MARCHF1: variants seen among roughly 807,000 people sequenced by gnomAD.
MARCHF1 encodes membrane associated ring-CH-type finger 1, also known as E3 ubiquitin-protein ligase MARCHF1.
Under a neutral mutation model 54.2 loss-of-function variants are expected in MARCHF1, and 40 were observed. The ratio of observed to expected loss-of-function variants is 0.74; its 90% CI spans 0.57 to 0.96. The LOEUF is 0.96. MARCHF1 is among the 40% of genes least tolerant of loss of function. The pLI is 0.00. For missense variants in MARCHF1, 586 were observed against 656.5 expected (o/e 0.89, Z 1.17); for synonymous variants, 236 against 236.3 (o/e 1.00, Z 0.01).
At chr4:163,805,315 T>C (rs1194041139) in intron 4 of MARCHF1, among the ~76,000 whole-genome samples, 2 of 152,078 alleles carry the variant, frequency 1.3e-5, no homozygotes, top group African/African-American at 4.8e-5. Flanking sequence ...TTTATGTTTT[T>C]CAGAAATGGA....
intron 1 of MARCHF1, among the ~76,000 whole-genome samples, chr4:164,248,539 A>G (rs1379079773): frequency 1.3e-5 from 2 of 152,066 alleles, no homozygotes; most frequent in Non-Finnish European, 2.9e-5. Context: ...AGGTTTTGAC[A>G]TATTCTCAAG....
Position 163,721,240 on chromosome 4 carries a change from G to A in MARCHF1, c.112-20377C>T, listed in dbSNP as rs187402089. The stretch of plus-strand genomic sequence containing the variant: ...TTTATTGAGAGTTTTTAGCATGAAG[G>A]GTTGTTGAATTTTGTCAAAGGTCTT... On this transcript the variant is annotated intron_variant, in intron 4 of 9. Transcript: ENST00000514618. 7.0e-3 allele frequency among the ~76,000 whole-genome samples: 1,059 copies of A among 152,250 alleles called. 9 individuals are homozygous for A. The highest frequency in any genetic ancestry group is 0.014 in the Admixed American group (217 of 15,290).
intron 1 of MARCHF1, among the ~76,000 whole-genome samples, chr4:164,268,522 G>A (rs1297095984): frequency 6.6e-6 from 1 of 152,190 alleles, no homozygotes; most frequent in African/African-American, 2.4e-5. Context: ...CTATAAGCTT[G>A]GGTTCTGTGC....
chr4:163,718,793 C>A (rs1023073417), intron 4 of MARCHF1, among the ~76,000 whole-genome samples: 1 of 151,932 alleles, frequency 6.6e-6, no homozygotes, highest in African/African-American at 2.4e-5. Flanking sequence ...GTATTTATCC[C>A]AACTTTCTGA....
chr4:163,995,883 A>G (rs1426721327), intron 2 of MARCHF1, among the ~76,000 whole-genome samples: 1 of 152,096 alleles, frequency 6.6e-6, no homozygotes, highest in African/African-American at 2.4e-5. Flanking sequence ...TTTGATGAGT[A>G]TAAAGCATAG....
chr4:163,741,236 T>G (rs746474884), intron 4 of MARCHF1, among the ~76,000 whole-genome samples: 1 of 152,214 alleles, frequency 6.6e-6, no homozygotes, highest in Non-Finnish European at 1.5e-5. Context: ...ATTATGTTTT[T>G]TACTTGTGCT....
intron 3 of MARCHF1, among the ~76,000 whole-genome samples, chr4:163,857,121 C>A (rs1224662111): frequency 4.9e-4 from 71 of 144,304 alleles, no homozygotes; most frequent in Admixed American, 8.4e-4. Flanking sequence ...AAAAAAAAAA[C>A]AAGGAAAGAC....
intron 1 of MARCHF1, among the ~76,000 whole-genome samples, chr4:164,262,944 A>G (rs538992463): frequency 6.6e-6 from 1 of 152,352 alleles, no homozygotes; most frequent in African/African-American, 2.4e-5. Flanking sequence ...TGCTAAGGAT[A>G]TAACAAGAAA....
chr4:163,730,491 G>A (rs1471479503), intron 4 of MARCHF1, among the ~76,000 whole-genome samples: 6 of 152,010 alleles, frequency 3.9e-5, no homozygotes, highest in Non-Finnish European at 8.8e-5. Flanking sequence ...GCGGACATGT[G>A]AATGTAATTG....
chr4:163,674,697 G>A (rs1743853393), intron 5 of MARCHF1, among the ~76,000 whole-genome samples: 1 of 152,074 alleles, frequency 6.6e-6, no homozygotes, highest in African/African-American at 2.4e-5. Context: ...GCCACTATGG[G>A]TTAAACTGAA....
At chr4:163,722,061 C>T (rs898912385) in intron 4 of MARCHF1, among the ~76,000 whole-genome samples, 1 of 151,914 alleles carries the variant, frequency 6.6e-6, no homozygotes, top group African/African-American at 2.4e-5. Flanking sequence ...TTATTTCTTG[C>T]CTTCTGCTAG....
chr4:163,795,125 A>G (rs1220119950), intron 4 of MARCHF1, among the ~76,000 whole-genome samples: 1 of 152,192 alleles, frequency 6.6e-6, no homozygotes, highest in African/African-American at 2.4e-5. Context: ...ATCCTAATCA[A>G]TCACATTTAG....
At chr4:164,163,277 C>T (rs1364652878) in intron 1 of MARCHF1, among the ~76,000 whole-genome samples, 3 of 151,606 alleles carry the variant, frequency 2.0e-5, no homozygotes, top group East Asian at 3.9e-4. Context: ...GAATTAAAAG[C>T]TAAGATAAAA....
intron 1 of MARCHF1, among the ~76,000 whole-genome samples, chr4:164,222,230 T>A (rs1418630816): frequency 6.6e-6 from 1 of 151,958 alleles, no homozygotes; most frequent in African/African-American, 2.4e-5. Context: ...CACCTTTTTT[T>A]TTTTTTAGAA....
intron 2 of MARCHF1, among the ~76,000 whole-genome samples, chr4:164,035,588 A>C (rs1250839717): frequency 6.6e-6 from 1 of 151,378 alleles, no homozygotes; most frequent in Non-Finnish European, 1.5e-5. Context: ...TAGGGAAGAA[A>C]ATATTTGTAT....
At chr4:164,098,626 C>T (rs546428519) in intron 2 of MARCHF1, among the ~76,000 whole-genome samples, 4 of 152,306 alleles carry the variant, frequency 2.6e-5, no homozygotes, top group African/African-American at 9.6e-5. Context: ...AGCAGCATCA[C>T]CAATAAATTG....
intron 3 of MARCHF1, among the ~76,000 whole-genome samples, chr4:163,881,274 A>T (rs1750409489): frequency 6.6e-6 from 1 of 152,202 alleles, no homozygotes; most frequent in Non-Finnish European, 1.5e-5. Flanking sequence ...TAGGAGTTCA[A>T]GATCAGCCTG....
At chr4:164,080,190 G>T (rs1053555722) in intron 2 of MARCHF1, among the ~76,000 whole-genome samples, 1 of 152,172 alleles carries the variant, frequency 6.6e-6, no homozygotes, top group Non-Finnish European at 1.5e-5. Flanking sequence ...ACATAGAATA[G>T]AACAGATTCC....
intron 1 of MARCHF1, among the ~76,000 whole-genome samples, chr4:164,183,505 A>G (rs963040851): frequency 6.6e-5 from 10 of 152,224 alleles, no homozygotes; most frequent in African/African-American, 2.4e-4. Flanking sequence ...AAAAGCATCA[A>G]TCTTTTCTTT....
Sources: allele counts gnomAD v4.1 joint callset (sites outside exome capture counted in the v4.1 genomes callset), GRCh38; gene constraint gnomAD v4.1.1; transcripts MANE v1.5; gene names NCBI Gene and HGNC (gene_info 2026-07-23, HGNC 2026-07-21).